The following ZBTB20 variants were observed in gnomAD, a reference collection of about 807,000 sequenced individuals.
The protein encoded by ZBTB20 is zinc finger and BTB domain-containing protein 20.
In ZBTB20, 9 loss-of-function variants were observed where a neutral mutation model predicts 56.9. The ratio of observed to expected loss-of-function variants is 0.16; its 90% CI spans 0.10 to 0.28. The LOEUF (loss-of-function observed/expected upper bound fraction) is 0.28, where lower values mean the gene tolerates loss of function less well. Ranked by LOEUF, ZBTB20 falls within the 10% of genes least tolerant of loss-of-function variation. The probability of loss-of-function intolerance (pLI) is 1.00; values close to 1 mark genes in which losing one functional copy is unlikely to be tolerated. For synonymous variants in ZBTB20, 417 were observed against 420.7 expected, an observed-to-expected ratio of 0.99 and a Z score of 0.11; for missense variants, 655 against 1,003.0, an observed-to-expected ratio of 0.65 and a Z score of 4.69.
At chr3:114,845,396 T>C (rs2074648107) in intron 4 of ZBTB20, among the ~76,000 whole-genome samples, 1 of 149,606 alleles carries the variant, frequency 6.7e-6, no homozygotes, top group Non-Finnish European at 1.5e-5. Context: ...TTAAATCTTG[T>C]TAAAGAACCT....
chr3:114,476,832 G>C (rs190419135), intron 7 of ZBTB20, among the ~76,000 whole-genome samples: 2 of 152,254 alleles, frequency 1.3e-5, no homozygotes, highest in East Asian at 3.9e-4. Context: ...AATGGCTTTT[G>C]TTTACTTGTA....
At chr3:114,612,029 C>T (rs1360526908) in intron 6 of ZBTB20, among the ~76,000 whole-genome samples, 1 of 152,206 alleles carries the variant, frequency 6.6e-6, no homozygotes, top group Non-Finnish European at 1.5e-5. Flanking sequence ...TCACTACTTC[C>T]TGTATACACC....
intron 4 of ZBTB20, among the ~76,000 whole-genome samples, chr3:114,810,642 A>G (rs72956261): frequency 0.016 from 2,503 of 152,270 alleles, 75 homozygotes; most frequent in African/African-American, 0.056. Flanking sequence ...TTCACTCCCA[A>G]AAGTATCCAG....
At chr3:114,704,282 T>C (rs1359678931) in intron 5 of ZBTB20, among the ~76,000 whole-genome samples, 2 of 152,168 alleles carry the variant, frequency 1.3e-5, no homozygotes, top group Non-Finnish European at 2.9e-5. Flanking sequence ...ATAACGTCTA[T>C]ATTTATATGC....
rs541452352 is a variant in ZBTB20 at position 114,460,574 on chromosome 3, A to G, written c.-255+39778T>C. Among the ~76,000 whole-genome samples, 3 of 152,298 alleles carry G rather than the reference A, an allele frequency of 2.0e-5. No homozygotes were observed. In the South Asian group the frequency reaches 6.2e-4, roughly 32 times the overall value. ...GGTCCTCCAAAAGATAGAAAAGGCA[A>G]ATAAATGGATCCTCCTTTATAGCCG... On this transcript the variant is annotated intron_variant, in intron 7 of 11. Coordinates refer to ENST00000675478, the MANE Select transcript of ZBTB20 (RefSeq NM_001348800.3).
At chr3:114,584,079 T>C (rs991911886) in intron 6 of ZBTB20, among the ~76,000 whole-genome samples, 3 of 152,204 alleles carry the variant, frequency 2.0e-5, no homozygotes, top group Non-Finnish European at 2.9e-5. Context: ...TCTAATGAGA[T>C]TAATTTATCA....
chr3:114,759,447 T>C (rs1342357970), intron 5 of ZBTB20, among the ~76,000 whole-genome samples: 5 of 152,162 alleles, frequency 3.3e-5, no homozygotes, highest in Non-Finnish European at 5.9e-5. Flanking sequence ...GGAAACCATA[T>C]GTTCCTCCAC....
intron 1 of ZBTB20, among the ~76,000 whole-genome samples, chr3:115,133,519 A>C (rs1190733455): frequency 6.6e-6 from 1 of 152,112 alleles, no homozygotes; most frequent in African/African-American, 2.4e-5. Flanking sequence ...TATACCCATT[A>C]AGCAGTCACT....
At chr3:114,704,624 A>C (rs1020134756) in intron 5 of ZBTB20, among the ~76,000 whole-genome samples, 5 of 152,174 alleles carry the variant, frequency 3.3e-5, no homozygotes, top group Non-Finnish European at 7.4e-5. Context: ...TACACTGTTG[A>C]ATGATATGTC....
At chr3:114,981,543 TCTTTA>T (rs1172265048) in intron 2 of ZBTB20, among the ~76,000 whole-genome samples, 1 of 152,080 alleles carries the variant, frequency 6.6e-6, no homozygotes, top group African/African-American at 2.4e-5. Flanking sequence ...TTAATTTTCA[TCTTTA>T]CTTCTAAAGA....
chr3:115,107,841 T>C (rs917492288), intron 1 of ZBTB20, among the ~76,000 whole-genome samples: 3 of 152,186 alleles, frequency 2.0e-5, no homozygotes, highest in South Asian at 2.1e-4. Flanking sequence ...GTCCTTTGCA[T>C]GGACATAGAT....
Position 114,323,097 on chromosome 3 carries a change from G to A in ZBTB20, c.*15908C>T, listed in dbSNP as rs2078951861. The A allele has an allele frequency of 6.6e-6, 1 of 152,100 alleles. No homozygotes were observed. The highest frequency in any genetic ancestry group is 6.5e-5 in the Admixed American group (1 of 15,268). 9.4% of individuals were successfully genotyped at this position (152,100 alleles called of 1,614,324 possible). On this transcript the variant is annotated 3_prime_UTR_variant, in exon 12 of 12. Transcript: ENST00000675478. ...TCCCACACAATCTATTGCTTATCCT[G>A]TGATGAAAGATTCTTTTATTAACAG...
At position 115,042,221 on chromosome 3, in the gene ZBTB20, C is replaced by A. The variant is rs139950922; in HGVS notation, c.-507+28998G>T. On this transcript the variant is annotated intron_variant, in intron 2 of 11. Coordinates refer to ENST00000675478, the MANE Select transcript of ZBTB20 (RefSeq NM_001348800.3). Reference sequence around the variant, plus strand: ...AGGAGCTGATAGGAGCATTCTCTTTCAAAGCTCAATTTAGTGTTCCAACTA... The same window carrying A: ...AGGAGCTGATAGGAGCATTCTCTTTAAAAGCTCAATTTAGTGTTCCAACTA... Among the ~76,000 whole-genome samples the A allele has an allele frequency of 9.2e-5, 14 of 152,318 alleles. 1 individual carries two copies. In the East Asian group the frequency reaches 2.7e-3, roughly 29 times the overall value.
At chr3:115,015,339 T>C (rs1057499283) in intron 2 of ZBTB20, among the ~76,000 whole-genome samples, 1 of 151,834 alleles carries the variant, frequency 6.6e-6, no homozygotes, top group African/African-American at 2.4e-5. Flanking sequence ...CCAGGGTACA[T>C]GTGCAGGATG....
intron 7 of ZBTB20, among the ~76,000 whole-genome samples, chr3:114,465,536 GT>G (rs1004758690): frequency 6.6e-6 from 1 of 151,792 alleles, no homozygotes; most frequent in Non-Finnish European, 1.5e-5. Flanking sequence ...ATGAAACCCC[GT>G]TTCTACTAAA....
At chr3:114,509,020 C>T (rs1352354667) in intron 6 of ZBTB20, among the ~76,000 whole-genome samples, 4 of 152,132 alleles carry the variant, frequency 2.6e-5, no homozygotes, top group Non-Finnish European at 4.4e-5. Flanking sequence ...GCTTATGCTG[C>T]TTCATAATGA....
At chr3:114,493,633 C>T (rs2042975069) in intron 7 of ZBTB20, among the ~76,000 whole-genome samples, 1 of 152,192 alleles carries the variant, frequency 6.6e-6, no homozygotes, top group Admixed American at 6.5e-5. Flanking sequence ...CCTCTTCCAC[C>T]ATCCATCCTT....
chr3:114,901,865 C>G (rs982927901), intron 3 of ZBTB20, among the ~76,000 whole-genome samples: 2 of 151,998 alleles, frequency 1.3e-5, no homozygotes, highest in East Asian at 3.8e-4. Flanking sequence ...GTGATTATAT[C>G]TGGATAATAA....
intron 4 of ZBTB20, among the ~76,000 whole-genome samples, chr3:114,815,087 T>G (rs1233256218): frequency 1.3e-5 from 2 of 152,206 alleles, no homozygotes; most frequent in Non-Finnish European, 2.9e-5. Context: ...CTCATGAGCT[T>G]AGGTCTCCAT....
Sources: allele counts gnomAD v4.1 joint callset (sites outside exome capture counted in the v4.1 genomes callset), GRCh38; gene constraint gnomAD v4.1.1; transcripts MANE v1.5; gene names NCBI Gene and HGNC (gene_info 2026-07-23, HGNC 2026-07-21).